GALNT10: variants seen among roughly 807,000 people sequenced by gnomAD.
GALNT10 encodes polypeptide N-acetylgalactosaminyltransferase 10.
A neutral mutation model predicts 75.0 loss-of-function variants in GALNT10; 41 were observed. The observed-to-expected ratio is 0.55, with a 90% confidence interval of 0.43 to 0.71. The LOEUF is 0.71. Among genes scored for constraint, GALNT10 ranks in the 30% least tolerant of loss-of-function variants. GALNT10 has a pLI of 0.00. For missense variants in GALNT10, 727 were observed against 818.5 expected (o/e 0.89, Z 1.36); for synonymous variants, 302 against 313.0 (o/e 0.96, Z 0.37).
chr5:154,406,896 A>G (rs924617702), intron 8 of GALNT10, among the ~76,000 whole-genome samples: 19 of 152,154 alleles, frequency 1.2e-4, no homozygotes, highest in South Asian at 2.1e-4. Flanking sequence ...GAGTTGTCCT[A>G]ATAGCTCCGA....
chr5:154,381,998 C>T (rs1755741926), intron 6 of GALNT10, among the ~76,000 whole-genome samples: 1 of 152,222 alleles, frequency 6.6e-6, no homozygotes, highest in African/African-American at 2.4e-5. Flanking sequence ...AACATATTCA[C>T]AGGTTCCGGA....
intron 2 of GALNT10, among the ~76,000 whole-genome samples, chr5:154,295,670 G>C (rs542175138): frequency 1.3e-5 from 2 of 152,282 alleles, no homozygotes; most frequent in African/African-American, 2.4e-5. Flanking sequence ...CTGGACTAAG[G>C]AGTCAGGAGA....
intron 1 of GALNT10, among the ~76,000 whole-genome samples, chr5:154,224,174 A>T (rs1277739466): frequency 6.6e-6 from 1 of 152,200 alleles, no homozygotes; most frequent in Non-Finnish European, 1.5e-5. Flanking sequence ...GAAGTATTAT[A>T]GAAGGTTGTG....
chr5:154,281,482 A>G (rs578031528), intron 1 of GALNT10, among the ~76,000 whole-genome samples: 1 of 152,182 alleles, frequency 6.6e-6, no homozygotes, highest in Non-Finnish European at 1.5e-5. Flanking sequence ...TAATCATGTC[A>G]TGGGCAGATA....
At chr5:154,225,233 C>T (rs1359728439) in intron 1 of GALNT10, among the ~76,000 whole-genome samples, 3 of 151,924 alleles carry the variant, frequency 2.0e-5, no homozygotes, top group African/African-American at 7.3e-5. Flanking sequence ...GCTGGGACTA[C>T]AGGCACCCGC....
intron 1 of GALNT10, among the ~76,000 whole-genome samples, chr5:154,239,607 G>A (rs928956000): frequency 6.6e-6 from 1 of 151,514 alleles, no homozygotes; most frequent in African/African-American, 2.4e-5. Flanking sequence ...TCCACAAAAC[G>A]AGTCCCTGTG....
At chr5:154,283,669 T>A (rs1458523843) in intron 1 of GALNT10, among the ~76,000 whole-genome samples, 1 of 152,160 alleles carries the variant, frequency 6.6e-6, no homozygotes, top group Non-Finnish European at 1.5e-5. Flanking sequence ...ACTTTCCTCC[T>A]GGGCCAGGAA....
At chr5:154,251,309 C>T (rs885382) in intron 1 of GALNT10, among the ~76,000 whole-genome samples, 96,261 of 151,896 alleles carry the variant, frequency 0.63, 31,124 homozygotes, top group East Asian at 0.86. Flanking sequence ...TTTAGCCTTA[C>T]CCATTTTTAA....
Position 154,409,882 on chromosome 5 carries a change from T to C in GALNT10, c.1386+120T>C. The C allele has an allele frequency of 1.5e-6, 1 of 677,004 alleles. No homozygotes were observed. Among genetic ancestry groups the C allele is most frequent in the Non-Finnish European group, 2.6e-6 (1 of 384,162 alleles). The allele number at this position is 677,004 out of a possible 1,614,324, so 41.9% of individuals were successfully genotyped here. ...GAGGAAAGGCGTGAATATAAAATCG[T>C]TTCCTTTCTTTCCTGGTCTCTCTCT... On this transcript the variant is annotated intron_variant, in intron 9 of 11. Coordinates refer to ENST00000297107, the MANE Select transcript of GALNT10 (RefSeq NM_198321.4). The surrounding 1 kb of genome is among the most constrained non-coding windows in gnomAD (Gnocchi z 4.5).
chr5:154,419,048 C>T lies in GALNT10; in HGVS notation c.*2076C>T, dbSNP rs1266209625. The T allele has an allele frequency of 6.6e-6, 1 of 152,424 alleles. No homozygotes were observed. 9.4% of individuals were successfully genotyped at this position (152,424 alleles called of 1,614,324 possible). A position where few individuals can be genotyped will look rare whatever the true frequency, so the allele number is the denominator to read the frequency against. On this transcript the variant is annotated 3_prime_UTR_variant, in exon 12 of 12. Transcript: ENST00000297107. ...CTAAACTTGAACCATTTCCTAGTGC[C>T]TTGCTAGACAAACATAAAGGGGCAG...
At chr5:154,366,954 C>T (rs1005567556) in intron 4 of GALNT10, among the ~76,000 whole-genome samples, 5 of 152,114 alleles carry the variant, frequency 3.3e-5, no homozygotes, top group African/African-American at 9.7e-5. Flanking sequence ...ATCAAGTGGG[C>T]CACCTTTTAA....
intron 4 of GALNT10, among the ~76,000 whole-genome samples, chr5:154,335,341 G>A (rs1200660950): frequency 1.3e-5 from 2 of 152,200 alleles, no homozygotes; most frequent in Non-Finnish European, 2.9e-5. Flanking sequence ...AGGGGCAGTT[G>A]TAAGACCGTG....
intron 1 of GALNT10, among the ~76,000 whole-genome samples, chr5:154,215,677 T>A (rs1025321034): frequency 6.6e-6 from 1 of 152,196 alleles, no homozygotes; most frequent in African/African-American, 2.4e-5. Flanking sequence ...AATACTGTCA[T>A]GGTTAAAAAT....
intron 6 of GALNT10, 38 bp downstream of exon 6, chr5:154,380,669 C>T: frequency 2.1e-6 from 3 of 1,405,040 alleles, no homozygotes; most frequent in Non-Finnish European, 3.0e-6. Flanking sequence ...CAGTGGCTAC[C>T]CAGTGACCAC....
At chr5:154,217,538 G>A (rs761082476) in intron 1 of GALNT10, among the ~76,000 whole-genome samples, 16 of 152,148 alleles carry the variant, frequency 1.1e-4, no homozygotes, top group Non-Finnish European at 1.8e-4. Flanking sequence ...TCCCTGTCTC[G>A]TCTCAAGAAA....
At chr5:154,394,259 G>T (rs1270701029) in intron 7 of GALNT10, among the ~76,000 whole-genome samples, 1 of 147,440 alleles carries the variant, frequency 6.8e-6, no homozygotes, top group Non-Finnish European at 1.5e-5. Flanking sequence ...GGTTCGCTTT[G>T]TGTGATACTG....
chr5:154,346,739 A>G (rs1256211302), intron 4 of GALNT10, among the ~76,000 whole-genome samples: 1 of 152,140 alleles, frequency 6.6e-6, no homozygotes, highest in Non-Finnish European at 1.5e-5. Flanking sequence ...TAAAGAAGCT[A>G]AATGGAAGAT....
intron 1 of GALNT10, chr5:154,218,130 C>T (rs1258320376): frequency 7.1e-6 from 7 of 985,282 alleles, no homozygotes; most frequent in East Asian, 1.1e-4. Flanking sequence ...CCTCTGCCTT[C>T]GTGGAGTGGG....
intron 7 of GALNT10, 158 bp from the exon 8 acceptor site, chr5:154,403,946 A>T (rs1197443961): frequency 1.4e-6 from 1 of 702,998 alleles, no homozygotes; most frequent in East Asian, 2.7e-5. Context: ...CGCTGTTATT[A>T]TATTACTGTG....
Sources: allele counts gnomAD v4.1 joint callset (sites outside exome capture counted in the v4.1 genomes callset), GRCh38; gene constraint gnomAD v4.1.1; non-coding constraint Gnocchi (gnomAD v3.1); transcripts MANE v1.5; gene names NCBI Gene and HGNC (gene_info 2026-07-23, HGNC 2026-07-21).